The following ADARB2 variants were observed in gnomAD, a reference collection of about 807,000 sequenced individuals.
ADARB2 encodes adenosine deaminase RNA specific B2 (inactive).
ADARB2 carries 25 observed loss-of-function variants against 62.2 expected under a neutral mutation model. The ratio of observed to expected loss-of-function variants is 0.40; its 90% CI spans 0.29 to 0.56. The LOEUF (loss-of-function observed/expected upper bound fraction) is 0.56, where lower values mean the gene tolerates loss of function less well. Ranked by LOEUF, ADARB2 falls within the 20% of genes least tolerant of loss-of-function variation. The probability of loss-of-function intolerance (pLI) is 0.43; values close to 1 mark genes in which losing one functional copy is unlikely to be tolerated. For synonymous variants in ADARB2, 572 were observed against 500.8 expected (o/e 1.14, Z -1.90); for missense variants, 1,071 against 1,077.4 (o/e 0.99, Z 0.08).
chr10:1,538,875 G>T (rs1832370516), intron 1 of ADARB2, among the ~76,000 whole-genome samples: 1 of 152,332 alleles, frequency 6.6e-6, no homozygotes, highest in African/African-American at 2.4e-5. Flanking sequence ...AGAGTGACAG[G>T]CTCTGCCTGC....
At chr10:1,723,423 C>G (rs183511772) in intron 1 of ADARB2, among the ~76,000 whole-genome samples, 2 of 152,286 alleles carry the variant, frequency 1.3e-5, no homozygotes, top group Non-Finnish European at 2.9e-5. Flanking sequence ...GGACCAGGCT[C>G]TGATTCAGGC....
At chr10:1,690,288 T>G (rs1404964563) in intron 1 of ADARB2, among the ~76,000 whole-genome samples, 1 of 152,244 alleles carries the variant, frequency 6.6e-6, no homozygotes, top group Non-Finnish European at 1.5e-5. Flanking sequence ...TTTTGATACC[T>G]AATTAAATGT....
intron 1 of ADARB2, among the ~76,000 whole-genome samples, chr10:1,386,358 TA>T (rs1194045359): frequency 6.6e-6 from 1 of 152,032 alleles, no homozygotes; most frequent in Non-Finnish European, 1.5e-5. Context: ...GTACTCCAAT[TA>T]AAATGCAGAG....
chr10:1,560,704 C>T (rs1443651523), intron 1 of ADARB2, among the ~76,000 whole-genome samples: 3 of 151,944 alleles, frequency 2.0e-5, no homozygotes, highest in African/African-American at 7.2e-5. Context: ...CACACTCTCG[C>T]CCAGGCAGGC....
chr10:1,279,248 A>G (rs917370972), intron 3 of ADARB2, among the ~76,000 whole-genome samples: 5 of 152,162 alleles, frequency 3.3e-5, no homozygotes, highest in African/African-American at 1.2e-4. Context: ...CATGTGCTAC[A>G]TGAACTCTCC....
At position 1,485,051 on chromosome 10, in the gene ADARB2, C is replaced by T. The variant is rs117723053; in HGVS notation, c.101-105891G>A. 4.3e-4 allele frequency among the ~76,000 whole-genome samples: 66 copies of T among 151,828 alleles called. No individual in the cohort carries two copies. In the East Asian group the frequency reaches 0.011, roughly 26 times the overall value. ...GTAGGTGGATTTGTAGGTGCGCTTGCAGGAAGGTACCTATGTAGGTATGTA... is the reference window on the plus strand; with the variant it reads ...GTAGGTGGATTTGTAGGTGCGCTTGTAGGAAGGTACCTATGTAGGTATGTA... On this transcript the variant is annotated intron_variant, in intron 1 of 9. Coordinates refer to ENST00000381312, the MANE Select transcript of ADARB2 (RefSeq NM_018702.4).
intron 2 of ADARB2, among the ~76,000 whole-genome samples, chr10:1,371,110 CACGGA>C (rs1832366140): frequency 6.6e-6 from 1 of 152,130 alleles, no homozygotes; most frequent in Non-Finnish European, 1.5e-5. Context: ...CACATAGACC[CACGGA>C]ACAGAGAACC....
rs141098380 is a variant in ADARB2, at chr10:1,280,771, C to T, written c.1078-9702G>A. On this transcript the variant is annotated intron_variant, in intron 3 of 9. Transcript: ENST00000381312. Reference sequence around the variant, plus strand: ...TCCGTGAAATTCCTAAGTGACGCTCCGTGAAATTCCTGAGTGATGCTCCGT... The same window carrying T: ...TCCGTGAAATTCCTAAGTGACGCTCTGTGAAATTCCTGAGTGATGCTCCGT... Among the ~76,000 whole-genome samples, 515 of 152,256 alleles carry T rather than the reference C, an allele frequency of 3.4e-3. 19 individuals carry two copies. In the East Asian group the frequency reaches 0.064, roughly 19 times the overall value.
chr10:1,500,262 C>T (rs1429754334), intron 1 of ADARB2, among the ~76,000 whole-genome samples: 2 of 152,314 alleles, frequency 1.3e-5, no homozygotes, highest in Admixed American at 6.5e-5. Flanking sequence ...GTGTAATGAC[C>T]TGTCTGTTCT....
At chr10:1,483,037 A>G (rs879604183) in intron 1 of ADARB2, among the ~76,000 whole-genome samples, 5 of 151,938 alleles carry the variant, frequency 3.3e-5, no homozygotes, top group Non-Finnish European at 7.4e-5. Flanking sequence ...ATTTTATTTC[A>G]TTTCCTGTTT....
chr10:1,449,115 A>T (rs945760152), intron 1 of ADARB2, among the ~76,000 whole-genome samples: 1 of 152,156 alleles, frequency 6.6e-6, no homozygotes, highest in Non-Finnish European at 1.5e-5. Flanking sequence ...TCTTTCCATG[A>T]GTCTGGATGA....
chr10:1,337,366 G>T (rs1451340562), intron 3 of ADARB2, among the ~76,000 whole-genome samples: 1 of 152,116 alleles, frequency 6.6e-6, no homozygotes, highest in African/African-American at 2.4e-5. Flanking sequence ...ATGGCAGGCT[G>T]GGCTCAACTA....
intron 1 of ADARB2, among the ~76,000 whole-genome samples, chr10:1,436,033 G>A (rs1222199340): frequency 6.6e-6 from 1 of 152,136 alleles, no homozygotes; most frequent in Non-Finnish European, 1.5e-5. Context: ...CAGAGAAGTC[G>A]GGAGGATGTT....
chr10:1,405,253 A>G (rs976422528), intron 1 of ADARB2, among the ~76,000 whole-genome samples: 5 of 152,208 alleles, frequency 3.3e-5, no homozygotes, highest in Non-Finnish European at 7.3e-5. Context: ...TGAAGCATTC[A>G]TTGATTTAGA....
At chr10:1,240,871 A>T (rs1343406979) in intron 5 of ADARB2, among the ~76,000 whole-genome samples, 1 of 152,182 alleles carries the variant, frequency 6.6e-6, no homozygotes, top group Non-Finnish European at 1.5e-5. Flanking sequence ...ACATTCTGAG[A>T]TATTTCTGTT....
chr10:1,449,194 T>C (rs1185113077), intron 1 of ADARB2, among the ~76,000 whole-genome samples: 1 of 152,142 alleles, frequency 6.6e-6, no homozygotes. Flanking sequence ...CAGCCCCACA[T>C]GCTATTATCA....
At chr10:1,287,952 C>G (rs1020351249) in intron 3 of ADARB2, among the ~76,000 whole-genome samples, 1 of 152,224 alleles carries the variant, frequency 6.6e-6, no homozygotes, top group Non-Finnish European at 1.5e-5. Context: ...AGACTGGATG[C>G]CCAAGGACAA....
At chr10:1,286,233 A>G (rs796944730) in intron 3 of ADARB2, among the ~76,000 whole-genome samples, 48 of 152,340 alleles carry the variant, frequency 3.2e-4, no homozygotes, top group African/African-American at 1.0e-3. Flanking sequence ...CCCGGGAAGT[A>G]GGAGAAACAC....
intron 1 of ADARB2, among the ~76,000 whole-genome samples, chr10:1,639,571 G>A (rs142789935): frequency 5.2e-3 from 796 of 152,334 alleles, no homozygotes; most frequent in Non-Finnish European, 8.7e-3. Context: ...AGGGCCGGGC[G>A]CAGTGGCTCA....
Sources: gnomAD v4.1 joint callset for allele counts (sites outside exome capture counted in the v4.1 genomes callset) on GRCh38, gnomAD v4.1.1 for gene constraint, MANE v1.5 for transcripts, NCBI Gene and HGNC (gene_info 2026-07-23, HGNC 2026-07-21) for gene names.